Variants in MACROD2 observed in about 807,000 individuals in gnomAD.
MACROD2 encodes mono-ADP ribosylhydrolase 2.
Under a neutral mutation model 70.4 loss-of-function variants are expected in MACROD2, and 36 were observed. The observed-to-expected ratio is 0.51, with a 90% CI of 0.39 to 0.68. The LOEUF is 0.68. Ranked by LOEUF, MACROD2 falls within the 30% of genes least tolerant of loss-of-function variation. The pLI is 0.00. For synonymous variants in MACROD2, 172 were observed against 178.8 expected, an observed-to-expected ratio of 0.96 and a Z score of 0.30; for missense variants, 496 against 538.4, an observed-to-expected ratio of 0.92 and a Z score of 0.78.
intron 3 of MACROD2, among the ~76,000 whole-genome samples, chr20:14,488,207 G>A (rs1322028925): frequency 6.6e-6 from 1 of 152,120 alleles, no homozygotes; most frequent in African/African-American, 2.4e-5. Flanking sequence ...CAAGTGTCTT[G>A]TATAATTATA....
rs753773018 is a variant in MACROD2, at chr20:13,995,727, G to A, written c.-37G>A. ...CACCCTGTTTGCCCGTGAGCCTGGGGAACTTGCAGCTTAAAGCCAGCCACC... is the reference window on the plus strand; with the variant it reads ...CACCCTGTTTGCCCGTGAGCCTGGGAAACTTGCAGCTTAAAGCCAGCCACC... On this transcript the variant is annotated 5_prime_UTR_variant, in exon 1 of 18. Transcript: ENST00000684519. The surrounding 1 kb of genome is among the most constrained non-coding windows in gnomAD (Gnocchi z 4.3). The A allele has an allele frequency of 3.1e-6, 5 of 1,611,172 alleles. No individual in the cohort carries two copies. Among genetic ancestry groups the A allele is most frequent in the Non-Finnish European group, 3.4e-6 (4 of 1,178,260 alleles).
intron 5 of MACROD2, among the ~76,000 whole-genome samples, chr20:14,885,913 C>T (rs1190959717): frequency 1.3e-5 from 2 of 152,100 alleles, no homozygotes; most frequent in African/African-American, 2.4e-5. Context: ...TGAGTATCTA[C>T]AATGTGCCAG....
intron 5 of MACROD2, among the ~76,000 whole-genome samples, chr20:14,891,814 A>G (rs1568858028): frequency 2.6e-5 from 4 of 152,316 alleles, no homozygotes; most frequent in South Asian, 4.2e-4. Context: ...TTAGTGACCA[A>G]ATGAAATCTG....
chr20:14,566,926 C>G (rs1447912922), intron 4 of MACROD2: 1 of 151,870 alleles, frequency 6.6e-6, no homozygotes, highest in East Asian at 1.9e-4. Context: ...AAAAGACAAA[C>G]ACATAAATTT....
chr20:15,164,463 T>A (rs1267039893), intron 5 of MACROD2, among the ~76,000 whole-genome samples: 1 of 152,102 alleles, frequency 6.6e-6, no homozygotes, highest in Admixed American at 6.6e-5. Flanking sequence ...ATAATAAAAA[T>A]TTAAAAACAC....
chr20:15,613,036 G>T (rs1424629587), intron 8 of MACROD2, among the ~76,000 whole-genome samples: 1 of 152,204 alleles, frequency 6.6e-6, no homozygotes, highest in Non-Finnish European at 1.5e-5. Flanking sequence ...GGCAAAAAGG[G>T]AGAGAAATAT....
intron 8 of MACROD2, among the ~76,000 whole-genome samples, chr20:15,572,497 G>C (rs900159187): frequency 6.6e-6 from 1 of 151,994 alleles, no homozygotes; most frequent in African/African-American, 2.4e-5. Context: ...TCTGTCTAAG[G>C]TTTATTCACT....
chr20:14,332,178 T>C (rs936454106), intron 3 of MACROD2, among the ~76,000 whole-genome samples: 50 of 152,272 alleles, frequency 3.3e-4, no homozygotes, highest in African/African-American at 1.1e-3. Context: ...TCATATTCAG[T>C]TTATTTTTAC....
intron 8 of MACROD2, among the ~76,000 whole-genome samples, chr20:15,583,818 T>C (rs1374088775): frequency 1.3e-5 from 2 of 152,092 alleles, no homozygotes; most frequent in African/African-American, 4.8e-5. Context: ...TTTTTATATT[T>C]TCTGGTAGAG....
chr20:15,541,848 G>C (rs751756439), intron 8 of MACROD2, among the ~76,000 whole-genome samples: 1 of 152,186 alleles, frequency 6.6e-6, no homozygotes, highest in Non-Finnish European at 1.5e-5. Flanking sequence ...ATAACTCCAT[G>C]TAGCATACAG....
chr20:14,668,216 G>T (rs1181611060), intron 4 of MACROD2, among the ~76,000 whole-genome samples: 1 of 152,016 alleles, frequency 6.6e-6, no homozygotes, highest in Admixed American at 6.6e-5. Flanking sequence ...AAAACTTTGT[G>T]TAGCGTCCTT....
intron 3 of MACROD2, among the ~76,000 whole-genome samples, chr20:14,095,820 C>G (rs1217088299): frequency 6.6e-6 from 1 of 152,174 alleles, no homozygotes; most frequent in African/African-American, 2.4e-5. Context: ...TAGTGAAGTG[C>G]TGACAGTCTG....
chr20:15,333,143 C>T (rs916862008), intron 6 of MACROD2, among the ~76,000 whole-genome samples: 1 of 151,584 alleles, frequency 6.6e-6, no homozygotes, highest in African/African-American at 2.4e-5. Flanking sequence ...GTCCTCAGAT[C>T]GGCATCTTCT....
chr20:14,225,619 C>A (rs1357392634), intron 3 of MACROD2, among the ~76,000 whole-genome samples: 1 of 152,170 alleles, frequency 6.6e-6, no homozygotes, highest in African/African-American at 2.4e-5. Context: ...TTATGCCAAT[C>A]AAGTCGCAAG....
At chr20:15,758,237 CT>C (rs397793806) in intron 8 of MACROD2, among the ~76,000 whole-genome samples, 20,547 of 121,890 alleles carry the variant, frequency 0.17, 1,136 homozygotes, top group Middle Eastern at 0.27. Flanking sequence ...TCCTGTAATT[CT>C]TTTTTTTTTT....
In MACROD2 at chr20:16,051,585, T is replaced by C. The variant is rs888704687; in HGVS notation, c.*1709T>C. 2.0e-5 allele frequency: 3 copies of C among 152,238 alleles called. No individual in the cohort carries two copies. Among genetic ancestry groups the C allele is most frequent in the Admixed American group, 6.5e-5 (1 of 15,278 alleles). The allele number at this position is 152,238 out of a possible 1,614,324, so 9.4% of individuals were successfully genotyped here. A position where few individuals can be genotyped will look rare whatever the true frequency, so the allele number is the denominator to read the frequency against. On this transcript the variant is annotated 3_prime_UTR_variant, in exon 18 of 18. Coordinates refer to ENST00000684519, the MANE Select transcript of MACROD2 (RefSeq NM_001351661.2). ...CTTCTGTTGCTATTCCAGTTTGATA[T>C]GGAAGCATCTATATCCTCTATTGCC...
chr20:15,155,515 T>C (rs911977849), intron 5 of MACROD2, among the ~76,000 whole-genome samples: 9 of 152,174 alleles, frequency 5.9e-5, no homozygotes, highest in Non-Finnish European at 1.3e-4. Flanking sequence ...TTCCTTTCCT[T>C]TCTTCAGATT....
At chr20:14,464,543 G>A (rs576306288) in intron 3 of MACROD2, among the ~76,000 whole-genome samples, 1 of 151,962 alleles carries the variant, frequency 6.6e-6, no homozygotes, top group Non-Finnish European at 1.5e-5. Context: ...CTTCAGTTCT[G>A]CTCCGATCTT....
At chr20:14,631,248 A>C (rs937841538) in intron 4 of MACROD2, among the ~76,000 whole-genome samples, 1 of 152,128 alleles carries the variant, frequency 6.6e-6, no homozygotes, top group Admixed American at 6.5e-5. Context: ...GAAGGGGCCC[A>C]GTTTACCTGA....
Sources: gnomAD v4.1 joint callset for allele counts (sites outside exome capture counted in the v4.1 genomes callset) on GRCh38, gnomAD v4.1.1 for gene constraint, Gnocchi (gnomAD v3.1) non-coding constraint, MANE v1.5 for transcripts, NCBI Gene and HGNC (gene_info 2026-07-23, HGNC 2026-07-21) for gene names.